Variants in WDR5 observed in about 807,000 individuals in gnomAD.
WDR5 encodes the protein WD repeat domain 5.
For missense variants in WDR5, 187 were observed against 416.9 expected, an observed-to-expected ratio of 0.45 and a Z score of 4.80; for synonymous variants, 144 against 161.6, an observed-to-expected ratio of 0.89 and a Z score of 0.83.
chr9:134,140,628 G>A, intron 2 of WDR5, 75 bp from the exon 3 acceptor site: 1 of 1,189,154 alleles, frequency 8.4e-7, no homozygotes, highest in Non-Finnish European at 1.3e-6. Context: ...TTAAATGGTG[G>A]GAGTCAAAAT....
rs541574371 is a variant in WDR5 at position 134,144,786 on chromosome 9, A to G, written c.528+2067A>G. Among the ~76,000 whole-genome samples the G allele has an allele frequency of 2.6e-5, 4 of 152,256 alleles. No individual in the cohort carries two copies. The East Asian group carries it at 7.7e-4, about 29-fold the overall frequency. ...CAGGAGTTTGAGGCTGCAGTGAGCA[A>G]GATGGTACCACTGCACTCCAGCCTG... On this transcript the variant is annotated intron_variant, in intron 7 of 13. Transcript: ENST00000358625.
intron 7 of WDR5, among the ~76,000 whole-genome samples, chr9:134,144,509 CTT>C (rs1019063964): frequency 6.6e-6 from 1 of 152,130 alleles, no homozygotes; most frequent in Non-Finnish European, 1.5e-5. Context: ...TTTTAAAAGT[CTT>C]TTTTTCTTAC....
chr9:134,147,033 G>A (rs1832245255), intron 7 of WDR5, among the ~76,000 whole-genome samples: 3 of 152,140 alleles, frequency 2.0e-5, no homozygotes, highest in Admixed American at 6.5e-5. Flanking sequence ...GCTGTGTGAG[G>A]TACCTGCAGA....
chr9:134,138,067 G>A (rs1429588756), intron 1 of WDR5, among the ~76,000 whole-genome samples: 1 of 152,218 alleles, frequency 6.6e-6, no homozygotes, highest in East Asian at 1.9e-4. Context: ...GTCAAGTTAA[G>A]GTTGTTTTGT....
At chr9:134,146,239 CTT>C (rs1278208507) in intron 7 of WDR5, among the ~76,000 whole-genome samples, 13 of 136,732 alleles carry the variant, frequency 9.5e-5, no homozygotes, top group Admixed American at 1.5e-4. Context: ...AGTGCTGGGT[CTT>C]TTTTTTTTTT....
Position 134,141,941 on chromosome 9 carries a change from T to C in WDR5, c.265-8T>C, listed in dbSNP as rs772309276. 1 of 1,613,740 alleles carries C rather than the reference T, an allele frequency of 6.2e-7. No homozygotes were observed. The highest frequency in any genetic ancestry group is 8.5e-7 in the Non-Finnish European group (1 of 1,179,828). On this transcript the variant is annotated splice_region_variant and splice_polypyrimidine_tract_variant and intron_variant, in intron 4 of 13. Transcript: ENST00000358625. ...GTCAAGTTACTGACCCTGTTTTTTC[T>C]CCCCAAGGGAATATCCGATGTAGCC...
Position 134,157,573 on chromosome 9 carries a change from C to T in WDR5, c.905-320C>T, listed in dbSNP as rs543041381. Among the ~76,000 whole-genome samples, 13 of 152,262 alleles carry T rather than the reference C, an allele frequency of 8.5e-5. No homozygotes were observed. The South Asian group carries it at 2.5e-3, about 29-fold the overall frequency. ...AGCCTCTGAGCCAGTCCTGCTGCCG[C>T]GCTCCTCCTTGTGGGCGCCGAGCTG... is the stretch of plus-strand genomic sequence containing the variant. On this transcript the variant is annotated intron_variant, in intron 13 of 13. Coordinates refer to ENST00000358625, the MANE Select transcript of WDR5 (RefSeq NM_017588.3). This position sits in a 1 kb window ranked among gnomAD's most constrained non-coding sequence, Gnocchi z 5.0.
chr9:134,153,555 C>T (rs1475380049), intron 9 of WDR5, among the ~76,000 whole-genome samples: 3 of 152,222 alleles, frequency 2.0e-5, no homozygotes, highest in Non-Finnish European at 4.4e-5. Flanking sequence ...GGCGGTGTGA[C>T]GTGGTGTGCC....
At chr9:134,144,991 C>T (rs990084269) in intron 7 of WDR5, among the ~76,000 whole-genome samples, 1 of 151,566 alleles carries the variant, frequency 6.6e-6, no homozygotes, top group Non-Finnish European at 1.5e-5. Flanking sequence ...CACTCCTGTC[C>T]TTTAAATAAC....
At chr9:134,137,699 C>G (rs1490393394) in intron 1 of WDR5, among the ~76,000 whole-genome samples, 1 of 150,472 alleles carries the variant, frequency 6.6e-6, no homozygotes. Context: ...AAAAAACACG[C>G]CAAGCCTAGA....
chr9:134,156,532 C>A lies in WDR5; in HGVS notation c.843C>A (p.Asn281Lys). The A allele has an allele frequency of 6.2e-7, 1 of 1,614,220 alleles. No homozygotes were observed. Among genetic ancestry groups the A allele is most frequent in the Non-Finnish European group, 8.5e-7 (1 of 1,180,042 alleles). ...GKWIVSGSED[N>K]LVYIWNLQTK... Reference sequence around the variant, plus strand: ...GGATTGTGTCTGGCTCAGAGGATAACCTTGTTTACATCTGGAACCTTCAGA... The same window carrying A: ...GGATTGTGTCTGGCTCAGAGGATAAACTTGTTTACATCTGGAACCTTCAGA... Residue 281 changes from asparagine (N) to lysine (K), a missense_variant, in exon 13 of 14, where the codon AAC becomes AAA. Physicochemically the swap from Asn to Lys is moderately conservative, Grantham distance 94. Coordinates refer to ENST00000358625, the MANE Select transcript of WDR5 (RefSeq NM_017588.3).
At chr9:134,151,784 G>T (rs1281167210) in intron 8 of WDR5, among the ~76,000 whole-genome samples, 199 bp from the exon 9 acceptor site, 1 of 152,058 alleles carries the variant, frequency 6.6e-6, no homozygotes, top group African/African-American at 2.4e-5. Context: ...TAGCATGTGT[G>T]GACTGTTGAT....
rs1216704829 is a variant in WDR5 at position 134,140,787 on chromosome 9, A to G, written c.166A>G (p.Asn56Asp). The stretch of plus-strand genomic sequence containing the variant: ...AGTGTCCTCCGTGAAATTCAGCCCG[A>G]ATGGAGAGTGGCTGGCAAGTTCATG... ...KAVSSVKFSPNGEWLASSSAD... is the reference protein window; with the variant it reads ...KAVSSVKFSPDGEWLASSSAD... Residue 56 changes from asparagine (N) to aspartate (D), a missense_variant, in exon 3 of 14, where the codon AAT (asparagine) becomes GAT (aspartate). Asn to Asp is a conservative substitution (Grantham distance 23). Transcript: ENST00000358625. The G allele has an allele frequency of 1.2e-6, 2 of 1,613,966 alleles. No individual in the cohort carries two copies. The highest frequency in any genetic ancestry group is 1.3e-5 in the African/African-American group (1 of 74,900).
In WDR5 at chr9:134,155,674, C is replaced by T. The variant is rs369013794; in HGVS notation, c.742-19C>T. 8 of 1,613,002 alleles carry T rather than the reference C, an allele frequency of 5.0e-6. No homozygotes were observed. Among genetic ancestry groups the T allele is most frequent in the African/African-American group, 1.3e-5 (1 of 74,914 alleles). On this transcript the variant is annotated intron_variant, in intron 11 of 13. Transcript: ENST00000358625. ...GGGGAACCATGACTCTGTGACCAGC[C>T]TGTCCCCTCCTGTTTCAGTGCCTGA...
In WDR5 at chr9:134,148,275, C is replaced by T. The variant is rs548690344; in HGVS notation, c.529-13C>T. ...GTAAGTTTTTGTCTCTTCTTCCTCT[C>T]CTTAATTCCTAGGTTCATTTTAATC... On this transcript the variant is annotated splice_polypyrimidine_tract_variant and intron_variant, in intron 7 of 13. Transcript: ENST00000358625. 2.5e-5 allele frequency: 39 copies of T among 1,552,180 alleles called. No individual in the cohort carries two copies. The South Asian group carries it at 3.4e-4, about 14-fold the overall frequency.
intron 5 of WDR5, 40 bp downstream of exon 5, chr9:134,142,078 T>A: frequency 6.3e-7 from 1 of 1,587,480 alleles, no homozygotes; most frequent in Middle Eastern, 1.7e-4. Context: ...GGAGACCGGC[T>A]GCAGGGCACG....
At chr9:134,141,776 G>T (rs949749903) in intron 4 of WDR5, among the ~76,000 whole-genome samples, 173 bp from the exon 5 acceptor site, 1 of 152,152 alleles carries the variant, frequency 6.6e-6, no homozygotes, top group Admixed American at 6.5e-5. Context: ...TGTCTGTGAG[G>T]CTGGCAGAGC....
chr9:134,153,342 C>T (rs535075596), intron 9 of WDR5, among the ~76,000 whole-genome samples: 3 of 152,100 alleles, frequency 2.0e-5, no homozygotes, highest in African/African-American at 2.4e-5. Context: ...ACGGAGGGGT[C>T]GCTGCATAGC....
Position 134,136,181 on chromosome 9 carries a change from C to T in WDR5, c.-78C>T, listed in dbSNP as rs1339655042. The T allele has an allele frequency of 2.0e-5, 3 of 147,672 alleles. No individual in the cohort carries two copies. The highest frequency in any genetic ancestry group is 1.3e-4 in the Admixed American group (2 of 14,878). 9.1% of individuals were successfully genotyped at this position (147,672 alleles called of 1,614,324 possible). ...GACGCGACGCCCCGAGCGCCCGGCCCCGCCGCCGCGGCCCGGCAGGTAAGC... is the reference window on the plus strand; with the variant it reads ...GACGCGACGCCCCGAGCGCCCGGCCTCGCCGCCGCGGCCCGGCAGGTAAGC... On this transcript the variant is annotated 5_prime_UTR_variant, in exon 1 of 14. Coordinates refer to ENST00000358625, the MANE Select transcript of WDR5 (RefSeq NM_017588.3).
Sources: allele counts gnomAD v4.1 joint callset (sites outside exome capture counted in the v4.1 genomes callset), GRCh38; gene constraint gnomAD v4.1.1; non-coding constraint Gnocchi (gnomAD v3.1); transcripts MANE v1.5; gene names NCBI Gene and HGNC (gene_info 2026-07-23, HGNC 2026-07-21).